Variants in GRB2 observed in about 807,000 individuals in gnomAD.
GRB2 encodes growth factor receptor-bound protein 2.
A neutral mutation model predicts 27.4 loss-of-function variants in GRB2; 2 were observed. The ratio of observed to expected loss-of-function variants is 0.07; its 90% CI spans 0.03 to 0.23. The LOEUF is 0.23. GRB2 is among the 10% of genes least tolerant of loss of function. The pLI, the probability that GRB2 is intolerant of heterozygous loss-of-function variation, is 1.00. For synonymous variants in GRB2, 94 were observed against 99.6 expected (o/e 0.94, Z 0.33); for missense variants, 102 against 282.4 (o/e 0.36, Z 4.58).
At chr17:75,396,417 A>G (rs1286923291) in intron 1 of GRB2, among the ~76,000 whole-genome samples, 1 of 151,596 alleles carries the variant, frequency 6.6e-6, no homozygotes, top group East Asian at 1.9e-4. Context: ...TACTTTTTCT[A>G]TTTTTTGTAG....
intron 1 of GRB2, among the ~76,000 whole-genome samples, chr17:75,396,086 C>T (rs534263159): frequency 3.3e-5 from 5 of 152,228 alleles, no homozygotes; most frequent in Non-Finnish European, 7.4e-5. Context: ...GATCCGCCCA[C>T]TTTGGCCTCC....
At chr17:75,395,446 C>T (rs577710850) in intron 1 of GRB2, among the ~76,000 whole-genome samples, 1 of 152,336 alleles carries the variant, frequency 6.6e-6, no homozygotes, top group Admixed American at 6.5e-5. Flanking sequence ...ATGCCCTTCA[C>T]TTACACTCTC....
At chr17:75,336,289 C>A (rs1021086641) in intron 2 of GRB2, among the ~76,000 whole-genome samples, 3 of 152,126 alleles carry the variant, frequency 2.0e-5, no homozygotes, top group African/African-American at 7.2e-5. Flanking sequence ...TGCACCCATA[C>A]CAGCTATGAA....
chr17:75,338,680 G>GT (rs1255826712), intron 2 of GRB2: 9 of 362,064 alleles, frequency 2.5e-5, no homozygotes, highest in Non-Finnish European at 4.6e-5. Context: ...AGTTCTTTTT[G>GT]TTTTTTGGTT....
At chr17:75,388,909 T>C (rs1269758798) in intron 2 of GRB2, among the ~76,000 whole-genome samples, 1 of 152,190 alleles carries the variant, frequency 6.6e-6, no homozygotes, top group Non-Finnish European at 1.5e-5. Flanking sequence ...GGAGACTTAT[T>C]AAAATGCCCC....
rs550320150 is a variant in GRB2 at position 75,368,103 on chromosome 17, C to T, written c.78+25448G>A. ...CTAATTTTTGTACTTTTTGTAGAGA[C>T]GGAGTTTTGCCATGTTGGCCAGGCT... On this transcript the variant is annotated intron_variant, in intron 2 of 5. Coordinates refer to ENST00000316804, the MANE Select transcript of GRB2 (RefSeq NM_002086.5). Among the ~76,000 whole-genome samples, 60 of 152,042 alleles carry T rather than the reference C, an allele frequency of 3.9e-4. 1 individual carries two copies. Among genetic ancestry groups the T allele is most frequent in the African/African-American group, 1.3e-3 (54 of 41,466 alleles).
In GRB2 at chr17:75,326,038, G is replaced by T. The variant is rs781117431; in HGVS notation, c.177-18C>A. 1.2e-6 allele frequency: 2 copies of T among 1,613,938 alleles called. No individual in the cohort carries two copies. On this transcript the variant is annotated intron_variant, in intron 3 of 5. Transcript: ENST00000316804. ...AAAACCACCTAAGGAAGGAAGGCAA[G>T]CTGGTCAACATCTGCTTCCCCACAA...
At position 75,358,590 on chromosome 17, in the gene GRB2, C is replaced by A. The variant is rs545594826; in HGVS notation, c.79-25793G>T. Among the ~76,000 whole-genome samples the A allele has an allele frequency of 2.1e-4, 31 of 150,736 alleles. No homozygotes were observed. The Middle Eastern group carries it at 0.01, about 50-fold the overall frequency. On this transcript the variant is annotated intron_variant, in intron 2 of 5. Transcript: ENST00000316804. Reference sequence around the variant, plus strand: ...ATTAAGAGTAACAGACAGGGCCAGCCGCGGTTGGGCATGCCTGTAATCCCA... The same window carrying A: ...ATTAAGAGTAACAGACAGGGCCAGCAGCGGTTGGGCATGCCTGTAATCCCA...
At chr17:75,384,049 G>A (rs751815733) in intron 2 of GRB2, among the ~76,000 whole-genome samples, 2 of 152,076 alleles carry the variant, frequency 1.3e-5, no homozygotes, top group African/African-American at 4.8e-5. Flanking sequence ...GGCAGGTCTC[G>A]CCTAGAGCCA....
intron 2 of GRB2, among the ~76,000 whole-genome samples, chr17:75,368,526 G>T (rs899447047): frequency 1.3e-3 from 186 of 141,874 alleles, no homozygotes; most frequent in Non-Finnish European, 2.3e-3. Flanking sequence ...TCAGGCGTTT[G>T]TTTTTTTTTT....
intron 3 of GRB2, among the ~76,000 whole-genome samples, chr17:75,328,232 G>C (rs2078513144): frequency 6.6e-6 from 1 of 152,112 alleles, no homozygotes; most frequent in Admixed American, 6.6e-5. Flanking sequence ...GCTGAGGCAG[G>C]AGAATCACTT....
chr17:75,368,594 G>A (rs2078836065), intron 2 of GRB2, among the ~76,000 whole-genome samples: 1 of 151,260 alleles, frequency 6.6e-6, no homozygotes, highest in East Asian at 1.9e-4. Context: ...GGAGTGCAGT[G>A]GTGAGATCAT....
intron 2 of GRB2, among the ~76,000 whole-genome samples, chr17:75,369,643 T>TC (rs1428394927): frequency 6.9e-6 from 1 of 144,296 alleles, no homozygotes; most frequent in Non-Finnish European, 1.5e-5. Flanking sequence ...TCACTTGAGG[T>TC]CAGGGGTTCA....
At chr17:75,356,799 T>C (rs1363873940) in intron 2 of GRB2, among the ~76,000 whole-genome samples, 1 of 152,216 alleles carries the variant, frequency 6.6e-6, no homozygotes, top group Non-Finnish European at 1.5e-5. Flanking sequence ...CTTGAAGCAC[T>C]TTCTTGGCTT....
chr17:75,319,273 A>T lies in GRB2; in HGVS notation c.*1095T>A, dbSNP rs938120221. 3 of 151,970 alleles carry T rather than the reference A, an allele frequency of 2.0e-5. No individual in the cohort carries two copies. The highest frequency in any genetic ancestry group is 2.9e-5 in the Non-Finnish European group (2 of 67,932). 9.4% of individuals were successfully genotyped at this position (151,970 alleles called of 1,614,324 possible). On this transcript the variant is annotated 3_prime_UTR_variant, in exon 6 of 6. Transcript: ENST00000316804. The stretch of plus-strand genomic sequence containing the variant: ...ACAGAGTAGGAGACAAATTGGCTGA[A>T]AAGCTCTGGACTGCCTTTAACTTAT...
intron 1 of GRB2, among the ~76,000 whole-genome samples, chr17:75,399,371 T>TC (rs1006365012): frequency 4.7e-5 from 7 of 148,416 alleles, no homozygotes; most frequent in African/African-American, 7.4e-5. Flanking sequence ...TCTTTTCTTT[T>TC]TTTTTTTTTT....
intron 1 of GRB2, among the ~76,000 whole-genome samples, chr17:75,397,042 C>T (rs2079033015): frequency 6.6e-6 from 1 of 152,116 alleles, no homozygotes; most frequent in Non-Finnish European, 1.5e-5. Context: ...CTGCTGAAAG[C>T]TTAAAAAGAA....
chr17:75,395,983 A>T (rs1053435826), intron 1 of GRB2, among the ~76,000 whole-genome samples: 3 of 151,794 alleles, frequency 2.0e-5, no homozygotes, highest in Admixed American at 6.6e-5. Context: ...GACTACAGGC[A>T]TGTGCCAACA....
intron 2 of GRB2, among the ~76,000 whole-genome samples, chr17:75,363,776 C>T (rs1000116225): frequency 2.2e-4 from 32 of 143,966 alleles, no homozygotes; most frequent in African/African-American, 8.1e-4. Context: ...AGGAGAATGG[C>T]GTGAACCCGG....
Sources: allele counts gnomAD v4.1 joint callset (sites outside exome capture counted in the v4.1 genomes callset), GRCh38; gene constraint gnomAD v4.1.1; transcripts MANE v1.5; gene names NCBI Gene and HGNC (gene_info 2026-07-23, HGNC 2026-07-21).